Variants in ACSS2 observed in about 807,000 individuals in gnomAD.
The protein encoded by ACSS2 is acetyl-coenzyme A synthetase, cytoplasmic.
ACSS2 carries 58 observed loss-of-function variants against 90.6 expected under a neutral mutation model. The ratio of observed to expected loss-of-function variants is 0.64; its 90% CI spans 0.52 to 0.80. The LOEUF is 0.80. Ranked by LOEUF, ACSS2 falls within the 30% of genes least tolerant of loss-of-function variation. ACSS2 has a pLI of 0.00. For missense variants in ACSS2, 759 were observed against 912.0 expected, an observed-to-expected ratio of 0.83 and a Z score of 2.16; for synonymous variants, 300 against 330.9, an observed-to-expected ratio of 0.91 and a Z score of 1.01.
intron 1 of ACSS2, among the ~76,000 whole-genome samples, chr20:34,878,046 G>A (rs780515096): frequency 9.9e-5 from 15 of 152,192 alleles, no homozygotes; most frequent in Non-Finnish European, 2.1e-4. Context: ...CGATCTTTCC[G>A]CTTCAGCCTC....
chr20:34,921,878 G>A lies in ACSS2; in HGVS notation c.1548+12G>A, dbSNP rs1568999620. The A allele has an allele frequency of 1.9e-6, 3 of 1,607,336 alleles. No homozygotes were observed. The highest frequency in any genetic ancestry group is 2.5e-6 in the Non-Finnish European group (3 of 1,178,014). The stretch of plus-strand genomic sequence containing the variant: ...CTGAAGGTTATCTGGTGAGGCCCTG[G>A]CCCTTGGGAGTCTTTAAGGAGAGAG... On this transcript the variant is annotated intron_variant, in intron 13 of 17. Coordinates refer to ENST00000360596, the MANE Select transcript of ACSS2 (RefSeq NM_018677.4).
intron 1 of ACSS2, among the ~76,000 whole-genome samples, chr20:34,882,145 G>A (rs975698846): frequency 1.3e-5 from 2 of 151,836 alleles, no homozygotes; most frequent in Non-Finnish European, 2.9e-5. Flanking sequence ...GAGTCCAGGA[G>A]TTTAAGACAA....
intron 15 of ACSS2, 125 bp from the exon 16 acceptor site, chr20:34,925,980 T>C: frequency 2.7e-6 from 3 of 1,092,790 alleles, no homozygotes; most frequent in Non-Finnish European, 4.0e-6. Flanking sequence ...AAGCATGTCA[T>C]CTGAGGAGTG....
chr20:34,918,357 G>T (rs529113037), intron 7 of ACSS2, among the ~76,000 whole-genome samples: 1 of 152,124 alleles, frequency 6.6e-6, no homozygotes, highest in Admixed American at 6.5e-5. Context: ...CAAATTCAAG[G>T]GATCTAACTT....
At chr20:34,917,743 G>GTTGTTT (rs563073009) in intron 7 of ACSS2, among the ~76,000 whole-genome samples, 5 of 151,688 alleles carry the variant, frequency 3.3e-5, no homozygotes, top group African/African-American at 1.2e-4. Context: ...GGTTTTTTTT[G>GTTGTTT]TTGTTTTTGT....
Position 34,899,423 on chromosome 20 carries a change from T to TTTCCTTCCTTCCTTCCTTCCTTCC in ACSS2, c.375-13650_375-13627dup, listed in dbSNP as rs71196768. On this transcript the variant is annotated intron_variant, in intron 2 of 17. Coordinates refer to ENST00000360596, the MANE Select transcript of ACSS2 (RefSeq NM_018677.4). ...CTTTCCTTCTTTCTTTCTTTCTTTC[T>TTTCCTTCCTTCCTTCCTTCCTTCC]TTCCTTCCTTCCTTCCTTCCTTCCT... 9.5e-4 allele frequency among the ~76,000 whole-genome samples: 107 copies of TTTCCTTCCTTCCTTCCTTCCTTCC among 113,058 alleles called. 1 individual carries two copies. Among genetic ancestry groups the TTTCCTTCCTTCCTTCCTTCCTTCC allele is most frequent in the East Asian group, 2.3e-3 (8 of 3,464 alleles). 74.2% of individuals were successfully genotyped at this position (113,058 alleles called of 152,430 possible).
chr20:34,889,283 C>T (rs567451775), intron 2 of ACSS2, among the ~76,000 whole-genome samples: 97 of 152,056 alleles, frequency 6.4e-4, no homozygotes, highest in Non-Finnish European at 1.1e-3. Flanking sequence ...CCACCATGCC[C>T]GGCTAATTTT....
Position 34,902,959 on chromosome 20 carries a change from T to A in ACSS2, c.375-10137T>A, listed in dbSNP as rs759569764. ...TGTTGCCCAGTCTGGTCTCGAACTC[T>A]TGGGCTCAAGCAATCCTCCCACCTT... On this transcript the variant is annotated intron_variant, in intron 2 of 17. Coordinates refer to ENST00000360596, the MANE Select transcript of ACSS2 (RefSeq NM_018677.4). 1.2e-3 allele frequency among the ~76,000 whole-genome samples: 176 copies of A among 150,624 alleles called. 3 individuals are homozygous for A. Among genetic ancestry groups the A allele is most frequent in the Non-Finnish European group, 9.2e-4 (62 of 67,600 alleles).
chr20:34,906,196 G>A (rs1272035745), intron 2 of ACSS2, among the ~76,000 whole-genome samples: 5 of 152,076 alleles, frequency 3.3e-5, no homozygotes, highest in Admixed American at 2.0e-4. Context: ...TTAGCTGAGC[G>A]TGGTGGCAGG....
upstream of ACSS2, chr20:34,876,385 C>T (rs78958408): frequency 0.013 from 4,606 of 355,030 alleles, 49 homozygotes; most frequent in Non-Finnish European, 0.018. Context: ...CACTCGACGG[C>T]GTCACTCCTT....
intron 2 of ACSS2, among the ~76,000 whole-genome samples, chr20:34,897,290 C>T (rs1469461026): frequency 6.6e-6 from 1 of 152,104 alleles, no homozygotes; most frequent in East Asian, 1.9e-4. Flanking sequence ...AGGTGTACAA[C>T]TTTCAATTTT....
At chr20:34,919,883 C>T (rs2081159442) in intron 8 of ACSS2, among the ~76,000 whole-genome samples, 1 of 152,008 alleles carries the variant, frequency 6.6e-6, no homozygotes, top group African/African-American at 2.4e-5. Context: ...AGGGTGGGCA[C>T]AGAGATCCCT....
chr20:34,915,113 C>T (rs1227927399), intron 7 of ACSS2: 2 of 1,210,946 alleles, frequency 1.7e-6, no homozygotes, highest in Non-Finnish European at 2.4e-6. Context: ...GCTGGGAGGA[C>T]CAGTGAGAAG....
At chr20:34,910,341 C>T (rs1317109259) in intron 2 of ACSS2, among the ~76,000 whole-genome samples, 1 of 152,194 alleles carries the variant, frequency 6.6e-6, no homozygotes, top group Non-Finnish European at 1.5e-5. Flanking sequence ...TCTGGAAAGT[C>T]ACACAGAATA....
rs2081305179 is a variant in ACSS2, at chr20:34,925,781, C to T, written c.1726+15C>T. On this transcript the variant is annotated intron_variant, in intron 15 of 17. Coordinates refer to ENST00000360596, the MANE Select transcript of ACSS2 (RefSeq NM_018677.4). ...CAATGTATCTGGTGAGGGCCAGGGGCCACCTTCCCATCTTATTAACTCTGC... is the reference window on the plus strand; with the variant it reads ...CAATGTATCTGGTGAGGGCCAGGGGTCACCTTCCCATCTTATTAACTCTGC... 3 of 1,607,678 alleles carry T rather than the reference C, an allele frequency of 1.9e-6. No individual in the cohort carries two copies. The African/African-American group carries it at 4.0e-5, about 21-fold the overall frequency.
chr20:34,919,576 A>AGTGTGTGTGT lies in ACSS2; in HGVS notation c.972+39_972+48dup, dbSNP rs59343003. On this transcript the variant is annotated splice_donor_region_variant and intron_variant, in intron 8 of 17. Coordinates refer to ENST00000360596, the MANE Select transcript of ACSS2 (RefSeq NM_018677.4). ...TGGCTCCACAGGCAAACCCAAGGCAAGTGTGTGTGTGTGTGTGTGTGTGTG... is the reference window on the plus strand; with the variant it reads ...TGGCTCCACAGGCAAACCCAAGGCAAGTGTGTGTGTGTGTGTGTGTGTGTGTGTGTGTGTG... The AGTGTGTGTGT allele has an allele frequency of 3.2e-5, 47 of 1,475,186 alleles. No homozygotes were observed. The highest frequency in any genetic ancestry group is 2.5e-4 in the Middle Eastern group (1 of 4,072). 91.4% of individuals were successfully genotyped at this position (1,475,186 alleles called of 1,614,324 possible).
intron 1 of ACSS2, among the ~76,000 whole-genome samples, chr20:34,882,390 G>A (rs943690424): frequency 2.6e-5 from 4 of 152,154 alleles, no homozygotes; most frequent in Non-Finnish European, 5.9e-5. Context: ...TTGGGAGTCC[G>A]AGGCGGGCGG....
chr20:34,880,642 A>G (rs1029816367), intron 1 of ACSS2, among the ~76,000 whole-genome samples: 2 of 152,118 alleles, frequency 1.3e-5, no homozygotes, highest in Non-Finnish European at 2.9e-5. Context: ...ATTTCTTACA[A>G]TGCCATTATT....
intron 2 of ACSS2, among the ~76,000 whole-genome samples, chr20:34,901,371 A>G (rs2080654324): frequency 6.6e-6 from 1 of 152,152 alleles, no homozygotes; most frequent in Admixed American, 6.5e-5. Flanking sequence ...TTGGGATTAC[A>G]GGCATGAGCC....
Sources: allele counts gnomAD v4.1 joint callset (sites outside exome capture counted in the v4.1 genomes callset), GRCh38; gene constraint gnomAD v4.1.1; transcripts MANE v1.5; gene names NCBI Gene and HGNC (gene_info 2026-07-23, HGNC 2026-07-21).